FBLN1: variants seen among roughly 807,000 people sequenced by gnomAD.
FBLN1 encodes fibulin-1.
Under a neutral mutation model 89.7 loss-of-function variants are expected in FBLN1, and 34 were observed. The observed-to-expected ratio is 0.38, with a 90% CI of 0.29 to 0.50. The LOEUF is 0.50. FBLN1 is among the 20% of genes least tolerant of loss of function. The pLI is 0.92. For synonymous variants in FBLN1, 393 were observed against 391.3 expected, an observed-to-expected ratio of 1.00 and a Z score of -0.05; for missense variants, 777 against 988.1, an observed-to-expected ratio of 0.79 and a Z score of 2.86.
In FBLN1 at chr22:45,516,930, C is replaced by T. The variant is rs115437885; in HGVS notation, c.80-1752C>T. 2.7e-3 allele frequency among the ~76,000 whole-genome samples: 404 copies of T among 152,358 alleles called. 2 individuals are homozygous for T. The highest frequency in any genetic ancestry group is 9.0e-3 in the African/African-American group (376 of 41,576). On this transcript the variant is annotated intron_variant, in intron 1 of 16. Coordinates refer to ENST00000327858, the MANE Select transcript of FBLN1 (RefSeq NM_006486.3). Reference sequence around the variant, plus strand: ...GTGGAATGGCCTGGCTGAGCCCTAGCTCATTCGTGCACTGACCTTATCCAT... The same window carrying T: ...GTGGAATGGCCTGGCTGAGCCCTAGTTCATTCGTGCACTGACCTTATCCAT...
intron 11 of FBLN1, among the ~76,000 whole-genome samples, chr22:45,544,134 T>A (rs1422304593): frequency 6.6e-6 from 1 of 151,902 alleles, no homozygotes; most frequent in Non-Finnish European, 1.5e-5. Context: ...TCACCCAGGC[T>A]GGAGTGCAAT....
rs902115646 is a variant in FBLN1 at position 45,575,921 on chromosome 22, T to G, written c.1841-1056T>G. ...ATTCAGCAGCCGTGGACGGAGCCCC[T>G]CTGTGTCAGGCTCTAGGGACATGGT... On this transcript the variant is annotated intron_variant, in intron 15 of 16. Coordinates refer to ENST00000327858, the MANE Select transcript of FBLN1 (RefSeq NM_006486.3). This position sits in a 1 kb window ranked among gnomAD's most constrained non-coding sequence, Gnocchi z 6.3. 7.2e-5 allele frequency among the ~76,000 whole-genome samples: 11 copies of G among 152,080 alleles called. No individual in the cohort carries two copies. The highest frequency in any genetic ancestry group is 6.5e-4 in the Admixed American group (10 of 15,280).
intron 1 of FBLN1, 74 bp from the exon 2 acceptor site, chr22:45,518,602 TGTCCTG>T: frequency 1.0e-6 from 1 of 993,998 alleles, no homozygotes. Context: ...AGGACGTGCG[TGTCCTG>T]GTGGTGCATC....
chr22:45,564,989 C>T (rs1009225507), intron 14 of FBLN1: 1 of 1,613,762 alleles, frequency 6.2e-7, no homozygotes, highest in African/African-American at 1.3e-5. Context: ...ACCTTGATGC[C>T]TAGTGAGGAA....
rs946721972 is a variant in FBLN1, at chr22:45,556,508, G to T, written c.1697+5893G>T. Among the ~76,000 whole-genome samples the T allele has an allele frequency of 6.6e-6, 1 of 151,526 alleles. No individual in the cohort carries two copies. The highest frequency in any genetic ancestry group is 6.6e-5 in the Admixed American group (1 of 15,194). ...CATTCCTGAAGGGTCTGGGTCATTT[G>T]TAGTCCTGCCTGGATTGGGCTGTTG... On this transcript the variant is annotated intron_variant, in intron 14 of 16. Coordinates refer to ENST00000327858, the MANE Select transcript of FBLN1 (RefSeq NM_006486.3). This position sits in a 1 kb window ranked among gnomAD's most constrained non-coding sequence, Gnocchi z 4.6.
At chr22:45,558,008 G>A in intron 14 of FBLN1, 1 of 713,198 alleles carries the variant, frequency 1.4e-6, no homozygotes, top group South Asian at 1.5e-5. Flanking sequence ...ACTTTCGGGT[G>A]GTGCCTGCAT....
At chr22:45,517,869 G>A (rs1278084170) in intron 1 of FBLN1, among the ~76,000 whole-genome samples, 3 of 151,598 alleles carry the variant, frequency 2.0e-5, no homozygotes, top group Non-Finnish European at 1.5e-5. Context: ...GGTGGCTTAT[G>A]CCTGTAATCC....
At position 45,580,671 on chromosome 22, in the gene FBLN1, G is replaced by A. The variant is rs1307321872; in HGVS notation, c.1972+3563G>A. Among the ~76,000 whole-genome samples, 2 of 152,230 alleles carry A rather than the reference G, an allele frequency of 1.3e-5. No individual in the cohort carries two copies. Among genetic ancestry groups the A allele is most frequent in the African/African-American group, 2.4e-5 (1 of 41,468 alleles). On this transcript the variant is annotated intron_variant, in intron 16 of 16. Transcript: ENST00000327858. This position sits in a 1 kb window ranked among gnomAD's most constrained non-coding sequence, Gnocchi z 8.6. ...CCAGACACCACACCCGCCCAGAGCC[G>A]GAGCCCAGGGTTGACTGCTGCTGTG...
At chr22:45,514,455 C>T (rs149661123) in intron 1 of FBLN1, among the ~76,000 whole-genome samples, 16 of 152,310 alleles carry the variant, frequency 1.1e-4, no homozygotes, top group African/African-American at 3.6e-4. Flanking sequence ...GCTAAGAAAC[C>T]GGCAGTTCTG....
chr22:45,565,166 C>A, intron 14 of FBLN1: 1 of 1,561,658 alleles, frequency 6.4e-7, no homozygotes. Flanking sequence ...GTAGTACATT[C>A]TCCAAGATGC....
chr22:45,548,224 G>A (rs190395955), intron 12 of FBLN1, among the ~76,000 whole-genome samples: 4 of 152,058 alleles, frequency 2.6e-5, no homozygotes, highest in Admixed American at 2.6e-4. Context: ...TAACTTTTTT[G>A]ATTTTTTGTA....
In FBLN1 at chr22:45,579,067, G is replaced by A. The variant is rs904542391; in HGVS notation, c.1972+1959G>A. 1.3e-5 allele frequency among the ~76,000 whole-genome samples: 2 copies of A among 152,210 alleles called. No homozygotes were observed. Among genetic ancestry groups the A allele is most frequent in the African/African-American group, 4.8e-5 (2 of 41,442 alleles). On this transcript the variant is annotated intron_variant, in intron 16 of 16. Transcript: ENST00000327858. The surrounding 1 kb of genome is among the most constrained non-coding windows in gnomAD (Gnocchi z 5.5). ...TCTCCTGGCAGGTTTTACGTCTTTA[G>A]TTCCCACCTACATCCTTCCTGGGGT...
chr22:45,542,203 G>C lies in FBLN1; in HGVS notation c.1115G>C (p.Arg372Pro). Residue 372 changes from arginine (R) to proline (P), a missense_variant, in exon 10 of 17, where the codon CGC (arginine) becomes CCC (proline). Coordinates refer to ENST00000327858, the MANE Select transcript of FBLN1 (RefSeq NM_006486.3). ...PPAEPCGKGH[R>P]CVNSPGSFRC... Reference sequence around the variant, plus strand: ...GCTGAGCCCTGTGGGAAGGGACATCGCTGCGTGAACTCTCCCGGCAGTTTC... The same window carrying C: ...GCTGAGCCCTGTGGGAAGGGACATCCCTGCGTGAACTCTCCCGGCAGTTTC... 1.9e-6 allele frequency: 3 copies of C among 1,614,184 alleles called. No individual in the cohort carries two copies. Among genetic ancestry groups the C allele is most frequent in the Non-Finnish European group, 2.5e-6 (3 of 1,180,038 alleles).
chr22:45,528,036 G>T, intron 4 of FBLN1, 27 bp downstream of exon 4: 1 of 1,612,116 alleles, frequency 6.2e-7, no homozygotes, highest in Non-Finnish European at 8.5e-7. Flanking sequence ...CTTCCCTAAT[G>T]AGCAGTGTAT....
At chr22:45,505,002 C>A (rs982780710) in intron 1 of FBLN1, among the ~76,000 whole-genome samples, 1 of 152,244 alleles carries the variant, frequency 6.6e-6, no homozygotes, top group Non-Finnish European at 1.5e-5. Flanking sequence ...CCACAAGTGG[C>A]ACCGCCCCTG....
Position 45,532,191 on chromosome 22 carries a change from A to T in FBLN1, c.544+867A>T, listed in dbSNP as rs1441118476. ...GACAGTTGGTCCAGGGGCGCTGTCC[A>T]GGGGCCTGGTGGAGGGAGGAAGGGA... On this transcript the variant is annotated intron_variant, in intron 5 of 16. Transcript: ENST00000327858. This position sits in a 1 kb window ranked among gnomAD's most constrained non-coding sequence, Gnocchi z 4.2. Among the ~76,000 whole-genome samples the T allele has an allele frequency of 6.6e-6, 1 of 152,114 alleles. No homozygotes were observed. The highest frequency in any genetic ancestry group is 1.5e-5 in the Non-Finnish European group (1 of 68,010).
Position 45,600,366 on chromosome 22 carries a change from A to ACC in FBLN1, c.2032_2033insCC (p.Met678ThrfsTer2). The ACC allele has an allele frequency of 6.2e-7, 1 of 1,614,110 alleles. No individual in the cohort carries two copies. The highest frequency in any genetic ancestry group is 1.1e-5 in the South Asian group (1 of 91,070). ...ATTTCATGCCGTCCTGAAGCTGGAG[A>ACC]TGAACTATGTGGTCGGGGGCGTGGT... On this transcript the variant is annotated frameshift_variant, in exon 17 of 17. Transcript: ENST00000327858. LOFTEE classifies it high-confidence loss of function.
rs376820248 is a variant in FBLN1 at position 45,599,866 on chromosome 22, G to A, written c.1973-441G>A. Among the ~76,000 whole-genome samples, 57 of 152,186 alleles carry A rather than the reference G, an allele frequency of 3.7e-4. 1 individual carries two copies. The highest frequency in any genetic ancestry group is 2.1e-4 in the Non-Finnish European group (14 of 68,028). ...CGGGAGGTGGACGTTGCAATGAGCC[G>A]AGATCACGCCATTGCACTCCAGCCT... On this transcript the variant is annotated intron_variant, in intron 16 of 16. Transcript: ENST00000327858.
chr22:45,586,525 A>G (rs1255660239), intron 16 of FBLN1, among the ~76,000 whole-genome samples: 1 of 152,232 alleles, frequency 6.6e-6, no homozygotes, highest in Non-Finnish European at 1.5e-5. Flanking sequence ...GGGTGGAAGG[A>G]AGCCAAACTT....
Sources: allele counts gnomAD v4.1 joint callset (sites outside exome capture counted in the v4.1 genomes callset), GRCh38; gene constraint gnomAD v4.1.1; non-coding constraint Gnocchi (gnomAD v3.1); transcripts MANE v1.5; gene names NCBI Gene and HGNC (gene_info 2026-07-23, HGNC 2026-07-21).